Variants in GPR180 observed in about 807,000 individuals in gnomAD.
GPR180 encodes integral membrane protein GPR180.
Under a neutral mutation model 52.6 loss-of-function variants are expected in GPR180, and 53 were observed. That is an observed-to-expected ratio of 1.01 (90% confidence interval 0.81 to 1.27). The LOEUF (loss-of-function observed/expected upper bound fraction) is 1.27. Ranked by LOEUF, GPR180 falls within the 50% of genes most tolerant of loss-of-function variation. The pLI is 0.00. For synonymous variants in GPR180, 200 were observed against 193.1 expected (o/e 1.04, Z -0.30); for missense variants, 533 against 527.0 (o/e 1.01, Z -0.11).
At chr13:94,623,549 G>A (rs1194058329) in intron 7 of GPR180, among the ~76,000 whole-genome samples, 1 of 152,018 alleles carries the variant, frequency 6.6e-6, no homozygotes, top group Non-Finnish European at 1.5e-5. Context: ...GCTTTGTGGC[G>A]AGCACCTGTT....
chr13:94,620,931 A>G, intron 5 of GPR180, 147 bp from the exon 6 acceptor site: 1 of 636,200 alleles, frequency 1.6e-6, no homozygotes, highest in Non-Finnish European at 2.6e-6. Context: ...ACCTGCGAAT[A>G]TCTCTTAATG....
In GPR180 at chr13:94,633,044, T is replaced by G. The variant is rs1436442512; in HGVS notation, c.*5873T>G. On this transcript the variant is annotated 3_prime_UTR_variant, in exon 9 of 9. Coordinates refer to ENST00000376958, the MANE Select transcript of GPR180 (RefSeq NM_180989.6). The stretch of plus-strand genomic sequence containing the variant: ...ACCTTGCTCTATGTATGTCTTCTTT[T>G]GGCTGTTCTGATTTGTATCCTTTTG... 6.6e-6 allele frequency: 1 copy of G among 152,280 alleles called. No homozygotes were observed. The highest frequency in any genetic ancestry group is 2.4e-5 in the African/African-American group (1 of 41,450). The allele number at this position is 152,280 out of a possible 1,614,324, so 9.4% of individuals were successfully genotyped here. A position where few individuals can be genotyped will look rare whatever the true frequency, so the allele number is the denominator to read the frequency against.
In GPR180 at chr13:94,602,061, T is replaced by C; in HGVS notation, c.134T>C (p.Phe45Ser). The C allele has an allele frequency of 7.2e-7, 1 of 1,397,928 alleles. No individual in the cohort carries two copies. The highest frequency in any genetic ancestry group is 9.3e-7 in the Non-Finnish European group (1 of 1,071,686). 86.6% of individuals were successfully genotyped at this position (1,397,928 alleles called of 1,614,324 possible). A position where few individuals can be genotyped will look rare whatever the true frequency, so the allele number is the denominator to read the frequency against. The part of the protein sequence containing the change: ...QDAQGQRIGH[F>S]EFHGDHALLC... The stretch of plus-strand genomic sequence containing the variant: ...GCCCAGGGCCAGCGCATCGGCCACT[T>C]CGAGTTCCATGGTAGGTCTGGGGGC... The change falls in exon 1 of 9, where the codon TTC becomes TCC. Residue 45 changes from phenylalanine to serine, a missense_variant. Transcript: ENST00000376958.
intron 6 of GPR180, among the ~76,000 whole-genome samples, chr13:94,621,455 G>A (rs1889850299): frequency 6.6e-6 from 1 of 152,090 alleles, no homozygotes; most frequent in Non-Finnish European, 1.5e-5. Flanking sequence ...TATGTAGACT[G>A]CAGAATTTAA....
At chr13:94,609,629 G>A (rs766809133) in intron 2 of GPR180, among the ~76,000 whole-genome samples, 40 of 151,968 alleles carry the variant, frequency 2.6e-4, no homozygotes, top group Non-Finnish European at 5.1e-4. Context: ...ATTGCAAATT[G>A]CACATTTAAA....
intron 7 of GPR180, among the ~76,000 whole-genome samples, chr13:94,625,656 A>T (rs1445194793): frequency 6.6e-6 from 1 of 152,148 alleles, no homozygotes; most frequent in East Asian, 1.9e-4. Context: ...GGAATATTAC[A>T]CATTTGTGCC....
At chr13:94,606,255 C>T (rs1053401678) in intron 2 of GPR180, among the ~76,000 whole-genome samples, 23 of 152,208 alleles carry the variant, frequency 1.5e-4, no homozygotes, top group African/African-American at 5.3e-4. Context: ...AAGATCATAC[C>T]ACTGTACTCC....
At chr13:94,615,630 T>C (rs1292473790) in intron 3 of GPR180, among the ~76,000 whole-genome samples, 2 of 152,194 alleles carry the variant, frequency 1.3e-5, no homozygotes, top group Non-Finnish European at 2.9e-5. Flanking sequence ...ACTGCTTCTT[T>C]AAAAGATTAG....
intron 5 of GPR180, 120 bp from the exon 6 acceptor site, chr13:94,620,958 C>T: frequency 1.2e-6 from 1 of 855,132 alleles, no homozygotes; most frequent in African/African-American, 1.8e-5. Flanking sequence ...GTTAGCTTCT[C>T]TTTGAAAATG....
At chr13:94,624,724 A>C (rs1889902488) in intron 7 of GPR180, among the ~76,000 whole-genome samples, 1 of 151,978 alleles carries the variant, frequency 6.6e-6, no homozygotes, top group African/African-American at 2.4e-5. Context: ...TTGTATTTTT[A>C]GTAGAGACGG....
At position 94,619,485 on chromosome 13, in the gene GPR180, T is replaced by C. The variant is rs374196096; in HGVS notation, c.704T>C (p.Ile235Thr). The C allele has an allele frequency of 6.2e-7, 1 of 1,613,558 alleles. No homozygotes were observed. Among genetic ancestry groups the C allele is most frequent in the South Asian group, 1.1e-5 (1 of 90,966 alleles). The part of the protein sequence containing the change: ...IHFSSYSKDG[I>T]GVPFMGSLAE... Reference sequence around the variant, plus strand: ...TTCCTCAGTTACTCCAAAGATGGAATAGGGGTACCATTTATGGGAAGTTTG... The same window carrying C: ...TTCCTCAGTTACTCCAAAGATGGAACAGGGGTACCATTTATGGGAAGTTTG... The change falls in exon 5 of 9, where the codon ATA becomes ACA. Residue 235 changes from isoleucine (I) to threonine (T), a missense_variant. Ile to Thr is a moderately conservative substitution (Grantham distance 89). Transcript: ENST00000376958.
intron 7 of GPR180, 144 bp downstream of exon 7, chr13:94,623,444 G>A: frequency 1.6e-6 from 1 of 618,162 alleles, no homozygotes; most frequent in Non-Finnish European, 2.7e-6. Context: ...CCAGTGCTTT[G>A]GAAGGCCAAG....
At chr13:94,603,460 A>G (rs1332632972) in intron 1 of GPR180, among the ~76,000 whole-genome samples, 1 of 152,206 alleles carries the variant, frequency 6.6e-6, no homozygotes, top group Non-Finnish European at 1.5e-5. Context: ...AAGGTGTTTC[A>G]AGTGCGTTCA....
intron 4 of GPR180, 21 bp downstream of exon 4, chr13:94,619,351 C>T (rs749029434): frequency 3.7e-6 from 6 of 1,611,394 alleles, no homozygotes; most frequent in Non-Finnish European, 5.1e-6. Context: ...ACCACTAAAA[C>T]TGTGTTCATC....
chr13:94,627,310 T>C lies in GPR180; in HGVS notation c.*139T>C, dbSNP rs1044486727. 4 of 663,694 alleles carry C rather than the reference T, an allele frequency of 6.0e-6. No homozygotes were observed. Among genetic ancestry groups the C allele is most frequent in the Non-Finnish European group, 1.0e-5 (4 of 392,056 alleles). 41.1% of individuals were successfully genotyped at this position (663,694 alleles called of 1,614,324 possible). The stretch of plus-strand genomic sequence containing the variant: ...GAGCATGTTATTTATATAACTGCAT[T>C]TAAGCAGTACCAAGACTGAAAAAAA... On this transcript the variant is annotated 3_prime_UTR_variant, in exon 9 of 9. Transcript: ENST00000376958.
At chr13:94,625,077 ATGT>A (rs1168999576) in intron 7 of GPR180, among the ~76,000 whole-genome samples, 1 of 150,598 alleles carries the variant, frequency 6.6e-6, no homozygotes, top group Non-Finnish European at 1.5e-5. Context: ...GCCTCCCAAA[ATGT>A]TGGGATTACA....
Position 94,628,956 on chromosome 13 carries a change from G to A in GPR180, c.*1785G>A, listed in dbSNP as rs922855492. 5 of 152,066 alleles carry A rather than the reference G, an allele frequency of 3.3e-5. No homozygotes were observed. Among genetic ancestry groups the A allele is most frequent in the Non-Finnish European group, 5.9e-5 (4 of 67,942 alleles). The allele number at this position is 152,066 out of a possible 1,614,324, so 9.4% of individuals were successfully genotyped here. A position where few individuals can be genotyped will look rare whatever the true frequency, so the allele number is the denominator to read the frequency against. ...GTGTTACTTCACTCAAAGAACATAA[G>A]TAACTGCAATTAACATATATGAAAT... On this transcript the variant is annotated 3_prime_UTR_variant, in exon 9 of 9. Transcript: ENST00000376958.
In GPR180 at chr13:94,621,106, G is replaced by A. The variant is rs762150262; in HGVS notation, c.765G>A (p.Met255Ile). ...EFFDIASQIQ[M>I]LYLLLSLCMG... Reference sequence around the variant, plus strand: ...TTGACATCGCTTCCCAAATTCAGATGTTATACTTACTTTTGAGTCTATGCA... The same window carrying A: ...TTGACATCGCTTCCCAAATTCAGATATTATACTTACTTTTGAGTCTATGCA... The change falls in exon 6 of 9, where the codon ATG becomes ATA. Residue 255 changes from methionine to isoleucine, a missense_variant. Coordinates refer to ENST00000376958, the MANE Select transcript of GPR180 (RefSeq NM_180989.6). The A allele has an allele frequency of 3.7e-6, 6 of 1,609,520 alleles. No homozygotes were observed. In the Admixed American group the frequency reaches 6.8e-5, roughly 18 times the overall value.
At chr13:94,624,778 G>C (rs1368912615) in intron 7 of GPR180, among the ~76,000 whole-genome samples, 1 of 152,150 alleles carries the variant, frequency 6.6e-6, no homozygotes, top group Non-Finnish European at 1.5e-5. Flanking sequence ...TCCTGACCTT[G>C]TGATATGCCC....
Sources: allele counts gnomAD v4.1 joint callset (sites outside exome capture counted in the v4.1 genomes callset), GRCh38; gene constraint gnomAD v4.1.1; transcripts MANE v1.5; gene names NCBI Gene and HGNC (gene_info 2026-07-23, HGNC 2026-07-21).